The following PAFAH1B1 variants were observed in gnomAD, a reference collection of about 807,000 sequenced individuals.
PAFAH1B1 encodes platelet-activating factor acetylhydrolase IB subunit beta.
PAFAH1B1 carries 2 observed loss-of-function variants against 57.5 expected under a neutral mutation model. The ratio of observed to expected loss-of-function variants is 0.03; its 90% confidence interval spans 0.01 to 0.11. The LOEUF is 0.11. Among genes scored for constraint, PAFAH1B1 ranks in the 10% least tolerant of loss-of-function variants. PAFAH1B1 has a pLI of 1.00. For synonymous variants in PAFAH1B1, 152 were observed against 169.6 expected, an observed-to-expected ratio of 0.90 and a Z score of 0.81; for missense variants, 257 against 512.0, an observed-to-expected ratio of 0.50 and a Z score of 4.81.
intron 1 of PAFAH1B1, among the ~76,000 whole-genome samples, chr17:2,595,860 C>T (rs997297564): frequency 2.6e-5 from 4 of 152,142 alleles, no homozygotes; most frequent in African/African-American, 9.7e-5. Flanking sequence ...GGTACCTCCC[C>T]CCACATCCTT....
At position 2,682,108 on chromosome 17, in the gene PAFAH1B1, T is replaced by C; in HGVS notation, c.*306T>C. 1 of 289,856 alleles carries C rather than the reference T, an allele frequency of 3.4e-6. No individual in the cohort carries two copies. Among genetic ancestry groups the C allele is most frequent in the Non-Finnish European group, 6.5e-6 (1 of 154,800 alleles). The allele number at this position is 289,856 out of a possible 1,614,324, so 18.0% of individuals were successfully genotyped here. On this transcript the variant is annotated 3_prime_UTR_variant, in exon 11 of 11. Transcript: ENST00000397195. ...TGAACTAGGGCACTAAACTGAATAG[T>C]TGACAGTGTCATTTTATGTTGGATT...
intron 1 of PAFAH1B1, among the ~76,000 whole-genome samples, chr17:2,612,762 C>G (rs1031621725): frequency 2.6e-5 from 4 of 151,922 alleles, no homozygotes; most frequent in Non-Finnish European, 5.9e-5. Flanking sequence ...AGATGCGCAC[C>G]ACTACGCCTG....
At chr17:2,595,166 T>C (rs2068071204) in intron 1 of PAFAH1B1, among the ~76,000 whole-genome samples, 1 of 145,686 alleles carries the variant, frequency 6.9e-6, no homozygotes, top group Non-Finnish European at 1.5e-5. Flanking sequence ...CCTCCCTCTT[T>C]CCTTAAGTGG....
chr17:2,661,635 T>C (rs1055272128), intron 2 of PAFAH1B1, among the ~76,000 whole-genome samples: 1 of 152,152 alleles, frequency 6.6e-6, no homozygotes, highest in Non-Finnish European at 1.5e-5. Context: ...CTTAGGATTG[T>C]CCTGGCTATT....
At chr17:2,632,419 G>C (rs538267678) in intron 1 of PAFAH1B1, among the ~76,000 whole-genome samples, 1 of 152,168 alleles carries the variant, frequency 6.6e-6, no homozygotes, top group South Asian at 2.1e-4. Flanking sequence ...TGGTTGATAT[G>C]TTACTTGTCT....
intron 1 of PAFAH1B1, among the ~76,000 whole-genome samples, chr17:2,618,031 G>A (rs752165381): frequency 1.3e-5 from 2 of 152,108 alleles, no homozygotes; most frequent in African/African-American, 2.4e-5. Context: ...GGTGGATCAC[G>A]AGGTCATGAG....
At chr17:2,634,938 G>A (rs1202653919) in intron 1 of PAFAH1B1, among the ~76,000 whole-genome samples, 2 of 152,156 alleles carry the variant, frequency 1.3e-5, no homozygotes, top group African/African-American at 4.8e-5. Context: ...CAAGGCCGGC[G>A]GATCACTTGA....
intron 2 of PAFAH1B1, among the ~76,000 whole-genome samples, chr17:2,649,002 T>C (rs926028245): frequency 1.3e-5 from 2 of 152,056 alleles, no homozygotes; most frequent in African/African-American, 4.8e-5. Context: ...CAAACATTTA[T>C]AGGTGACAGC....
At position 2,685,076 on chromosome 17, in the gene PAFAH1B1, A is replaced by C; in HGVS notation, c.*3274A>C. ...TTCATGTCCAGCTGTATATAAGTCC[A>C]GTGTGTTCATCTAGATGACGCAAAG... On this transcript the variant is annotated 3_prime_UTR_variant, in exon 11 of 11. Coordinates refer to ENST00000397195, the MANE Select transcript of PAFAH1B1 (RefSeq NM_000430.4). 1 of 151,168 alleles carries C rather than the reference A, an allele frequency of 6.6e-6. No individual in the cohort carries two copies. The highest frequency in any genetic ancestry group is 1.5e-5 in the Non-Finnish European group (1 of 67,924). The allele number at this position is 151,168 out of a possible 1,614,324, so 9.4% of individuals were successfully genotyped here. A position where few individuals can be genotyped will look rare whatever the true frequency, so the allele number is the denominator to read the frequency against.
At chr17:2,629,043 T>G (rs2151628273) in intron 1 of PAFAH1B1, among the ~76,000 whole-genome samples, 1 of 152,250 alleles carries the variant, frequency 6.6e-6, no homozygotes, top group South Asian at 2.1e-4. Context: ...AGAACCAGCT[T>G]GTTTCATTTA....
chr17:2,621,938 C>T (rs564864371), intron 1 of PAFAH1B1, among the ~76,000 whole-genome samples: 7 of 151,872 alleles, frequency 4.6e-5, no homozygotes, highest in South Asian at 4.2e-4. Flanking sequence ...TGGCAGGAGG[C>T]GAAAGGCACC....
At chr17:2,622,633 G>T (rs1375610560) in intron 1 of PAFAH1B1, among the ~76,000 whole-genome samples, 1 of 152,174 alleles carries the variant, frequency 6.6e-6, no homozygotes, top group East Asian at 1.9e-4. Flanking sequence ...CTGGCCTTGA[G>T]TGTCTGCAGC....
chr17:2,656,568 A>G (rs745710150), intron 2 of PAFAH1B1, among the ~76,000 whole-genome samples: 12 of 152,174 alleles, frequency 7.9e-5, no homozygotes, highest in Non-Finnish European at 1.6e-4. Context: ...ATATAAATAC[A>G]TTATTAGCAG....
intron 2 of PAFAH1B1, 99 bp from the exon 3 acceptor site, chr17:2,665,273 A>AAG (rs1478954865): frequency 1.1e-5 from 8 of 748,062 alleles, no homozygotes; most frequent in Non-Finnish European, 1.9e-5. Flanking sequence ...TACTCTTGAA[A>AAG]AGAGTATCTT....
chr17:2,613,531 G>A (rs922571110), intron 1 of PAFAH1B1: 2 of 262,684 alleles, frequency 7.6e-6, no homozygotes, highest in Non-Finnish European at 1.5e-5. Context: ...TGGCCACCTG[G>A]GCCTGGGTCT....
chr17:2,663,629 T>A (rs1361318937), intron 2 of PAFAH1B1, among the ~76,000 whole-genome samples: 1 of 151,986 alleles, frequency 6.6e-6, no homozygotes, highest in African/African-American at 2.4e-5. Flanking sequence ...GGTTCTACAT[T>A]AACTGGATCA....
At position 2,668,727 on chromosome 17, in the gene PAFAH1B1, GC is replaced by G. The variant is rs552122161; in HGVS notation, c.400-1435del. Among the ~76,000 whole-genome samples the G allele has an allele frequency of 1.5e-3, 220 of 151,648 alleles. 1 individual carries two copies. The highest frequency in any genetic ancestry group is 5.0e-3 in the African/African-American group (208 of 41,322). ...ACGGTAGCTCATGCCTGTAATCCCAGCACTTTGGGAGGCCAAGGTGGGTGGA... is the reference window on the plus strand; with the variant it reads ...ACGGTAGCTCATGCCTGTAATCCCAGACTTTGGGAGGCCAAGGTGGGTGGA... On this transcript the variant is annotated intron_variant, in intron 5 of 10. Coordinates refer to ENST00000397195, the MANE Select transcript of PAFAH1B1 (RefSeq NM_000430.4).
chr17:2,679,198 C>A (rs76688066), intron 9 of PAFAH1B1, among the ~76,000 whole-genome samples: 2,131 of 152,288 alleles, frequency 0.014, 40 homozygotes, highest in African/African-American at 0.045. Context: ...GTGATCCTTG[C>A]TTATGTTGTT....
chr17:2,603,632 A>G (rs2068170773), intron 1 of PAFAH1B1, among the ~76,000 whole-genome samples: 1 of 152,212 alleles, frequency 6.6e-6, no homozygotes, highest in Non-Finnish European at 1.5e-5. Flanking sequence ...CAAGGAAAAA[A>G]AAAAGTATGT....
Sources: allele counts gnomAD v4.1 joint callset (sites outside exome capture counted in the v4.1 genomes callset), GRCh38; gene constraint gnomAD v4.1.1; transcripts MANE v1.5; gene names NCBI Gene and HGNC (gene_info 2026-07-23, HGNC 2026-07-21).